The following NR6A1 variants were observed in gnomAD, a reference collection of about 807,000 sequenced individuals.
NR6A1 encodes the protein retinoic acid receptor-related testis-associated receptor.
NR6A1 carries 7 observed loss-of-function variants against 59.1 expected under a neutral mutation model. That is an observed-to-expected ratio of 0.12 (90% CI 0.07 to 0.22). NR6A1 has a LOEUF of 0.22. Ranked by LOEUF, NR6A1 falls within the 10% of genes least tolerant of loss-of-function variation. The pLI, the probability that NR6A1 is intolerant of heterozygous loss-of-function variation, is 1.00. For missense variants in NR6A1, 468 were observed against 611.6 expected (o/e 0.77, Z 2.48); for synonymous variants, 243 against 236.1 (o/e 1.03, Z -0.27).
At chr9:124,554,722 AG>A in intron 2 of NR6A1, 152 bp from the exon 3 acceptor site, 1 of 924,140 alleles carries the variant, frequency 1.1e-6, no homozygotes, top group Non-Finnish European at 1.6e-6. Context: ...TTGTCCCAAG[AG>A]TAGTCCCTGT....
At chr9:124,536,629 C>A (rs529167693) in intron 6 of NR6A1, among the ~76,000 whole-genome samples, 2 of 150,380 alleles carry the variant, frequency 1.3e-5, no homozygotes, top group Admixed American at 6.6e-5. Flanking sequence ...TGCGCTAATG[C>A]ACTTCAGCCT....
chr9:124,597,447 C>G (rs1449681727), intron 2 of NR6A1, among the ~76,000 whole-genome samples: 2 of 152,164 alleles, frequency 1.3e-5, no homozygotes, highest in Non-Finnish European at 2.9e-5. Flanking sequence ...AAGGGCAGCT[C>G]TCTGTCTCCC....
At chr9:124,657,740 T>A (rs1243370913) in intron 2 of NR6A1, among the ~76,000 whole-genome samples, 1 of 150,934 alleles carries the variant, frequency 6.6e-6, no homozygotes, top group African/African-American at 2.5e-5. Flanking sequence ...CTTTCATAGC[T>A]TCCCCCCCCC....
At chr9:124,710,874 C>T (rs1443990206) in intron 2 of NR6A1, among the ~76,000 whole-genome samples, 1 of 152,154 alleles carries the variant, frequency 6.6e-6, no homozygotes, top group Non-Finnish European at 1.5e-5. Flanking sequence ...TTTTCAATTG[C>T]TGCTATTTTT....
At chr9:124,585,562 G>A (rs906391732) in intron 2 of NR6A1, among the ~76,000 whole-genome samples, 32 of 136,494 alleles carry the variant, frequency 2.3e-4, no homozygotes, top group Admixed American at 5.8e-4. Flanking sequence ...AAAAAAAGGG[G>A]GGGGGGGGCA....
At chr9:124,632,152 T>C (rs190410322) in intron 2 of NR6A1, among the ~76,000 whole-genome samples, 57 of 152,316 alleles carry the variant, frequency 3.7e-4, no homozygotes, top group South Asian at 2.9e-3. Flanking sequence ...TCTTTATAAA[T>C]AGAATGATTT....
In NR6A1 at chr9:124,616,807, T is replaced by A. The variant is rs1273247745; in HGVS notation, c.143-62237A>T. On this transcript the variant is annotated intron_variant, in intron 2 of 9. Transcript: ENST00000487099. Reference sequence around the variant, plus strand: ...AGCAACCATTATAAACCATTTCTCATCAGATTGGCAAAAAATTAAAAATAG... The same window carrying A: ...AGCAACCATTATAAACCATTTCTCAACAGATTGGCAAAAAATTAAAAATAG... Among the ~76,000 whole-genome samples the A allele has an allele frequency of 3.9e-5, 6 of 152,136 alleles. No individual in the cohort carries two copies. The East Asian group carries it at 9.6e-4, about 24-fold the overall frequency.
chr9:124,693,423 C>T (rs763617120), intron 2 of NR6A1, among the ~76,000 whole-genome samples: 15 of 152,184 alleles, frequency 9.9e-5, no homozygotes, highest in Non-Finnish European at 1.8e-4. Context: ...AAGCAGGTCC[C>T]TCAGCTGTGG....
At chr9:124,673,843 T>C (rs1464855159) in intron 2 of NR6A1, among the ~76,000 whole-genome samples, 4 of 152,134 alleles carry the variant, frequency 2.6e-5, no homozygotes, top group Non-Finnish European at 5.9e-5. Flanking sequence ...TCAACAAATA[T>C]ACGAGGATTA....
intron 5 of NR6A1, among the ~76,000 whole-genome samples, chr9:124,538,874 T>C (rs1234220158): frequency 6.7e-6 from 1 of 149,022 alleles, no homozygotes; most frequent in Non-Finnish European, 1.5e-5. Context: ...CTTTCCTTTC[T>C]TGGAGAAAGC....
chr9:124,522,170 A>C lies in NR6A1; in HGVS notation c.*535T>G, dbSNP rs979383960. 2 of 153,546 alleles carry C rather than the reference A, an allele frequency of 1.3e-5. No homozygotes were observed. Among genetic ancestry groups the C allele is most frequent in the African/African-American group, 4.8e-5 (2 of 41,414 alleles). 9.5% of individuals were successfully genotyped at this position (153,546 alleles called of 1,614,324 possible). A position where few individuals can be genotyped will look rare whatever the true frequency, so the allele number is the denominator to read the frequency against. ...ACCTTGCTTAGTGAATCTCCTAACA[A>C]CACTTTGCCCCCTTACAGTGTGCCG... is the stretch of plus-strand genomic sequence containing the variant. On this transcript the variant is annotated 3_prime_UTR_variant, in exon 10 of 10. Transcript: ENST00000487099.
At chr9:124,739,730 TA>T (rs1564261888) in intron 1 of NR6A1, among the ~76,000 whole-genome samples, 1 of 152,264 alleles carries the variant, frequency 6.6e-6, no homozygotes, top group East Asian at 1.9e-4. Context: ...ATTTTGACTA[TA>T]AAATTGTAAA....
intron 2 of NR6A1, among the ~76,000 whole-genome samples, chr9:124,560,117 C>T (rs973549491): frequency 3.3e-5 from 5 of 152,170 alleles, no homozygotes; most frequent in South Asian, 2.1e-4. Flanking sequence ...TCCAATTCTA[C>T]GACTGCTGTA....
At chr9:124,756,364 G>A (rs1840630415) in intron 1 of NR6A1, among the ~76,000 whole-genome samples, 1 of 152,294 alleles carries the variant, frequency 6.6e-6, no homozygotes, top group Non-Finnish European at 1.5e-5. Context: ...ACAAGTTTCT[G>A]ATCACCAGTG....
chr9:124,560,389 T>C (rs1834050312), intron 2 of NR6A1, among the ~76,000 whole-genome samples: 1 of 152,180 alleles, frequency 6.6e-6, no homozygotes, highest in Admixed American at 6.5e-5. Flanking sequence ...CCACCTAGTA[T>C]ATTATTTCTT....
chr9:124,588,777 G>C (rs1835011253), intron 2 of NR6A1, among the ~76,000 whole-genome samples: 1 of 150,422 alleles, frequency 6.6e-6, no homozygotes, highest in African/African-American at 2.4e-5. Flanking sequence ...AAAATTAGCG[G>C]GGAATGGTGG....
intron 2 of NR6A1, among the ~76,000 whole-genome samples, chr9:124,723,726 T>C (rs1839631085): frequency 6.6e-6 from 1 of 152,184 alleles, no homozygotes. Flanking sequence ...ATTCCAAACT[T>C]TAAATATATT....
chr9:124,614,198 A>G (rs1189410709), intron 2 of NR6A1, among the ~76,000 whole-genome samples: 2 of 152,160 alleles, frequency 1.3e-5, no homozygotes, highest in Non-Finnish European at 2.9e-5. Flanking sequence ...AGGGCTATGC[A>G]GAGAGAGCAC....
intron 2 of NR6A1, among the ~76,000 whole-genome samples, chr9:124,697,676 TAAAA>T (rs35472562): frequency 7.4e-6 from 1 of 135,064 alleles, no homozygotes; most frequent in Admixed American, 7.4e-5. Context: ...AGGTAGGATT[TAAAA>T]AAAAAAAAAA....
Sources: allele counts gnomAD v4.1 joint callset (sites outside exome capture counted in the v4.1 genomes callset), GRCh38; gene constraint gnomAD v4.1.1; transcripts MANE v1.5; gene names NCBI Gene and HGNC (gene_info 2026-07-23, HGNC 2026-07-21).